LRRFIP1: variants seen among roughly 807,000 people sequenced by gnomAD.
The protein encoded by LRRFIP1 is leucine-rich repeat flightless-interacting protein 1.
In LRRFIP1, 62 loss-of-function variants were observed where a neutral mutation model predicts 104.4. The ratio of observed to expected loss-of-function variants is 0.59; its 90% CI spans 0.48 to 0.73. The LOEUF is 0.73. LRRFIP1 is among the 30% of genes least tolerant of loss of function. LRRFIP1 has a pLI of 0.00. For synonymous variants in LRRFIP1, 300 were observed against 299.0 expected, an observed-to-expected ratio of 1.00 and a Z score of -0.03; for missense variants, 796 against 824.5, an observed-to-expected ratio of 0.97 and a Z score of 0.42.
At chr2:237,650,823 G>A (rs867241711) in intron 1 of LRRFIP1, among the ~76,000 whole-genome samples, 2 of 152,172 alleles carry the variant, frequency 1.3e-5, no homozygotes, top group African/African-American at 2.4e-5. Context: ...AGATGGTCCC[G>A]GGGTTTTCCC....
At chr2:237,628,858 G>A (rs577110456) in intron 1 of LRRFIP1, among the ~76,000 whole-genome samples, 51 of 152,298 alleles carry the variant, frequency 3.3e-4, no homozygotes, top group African/African-American at 1.1e-3. Flanking sequence ...CAGTCACTCA[G>A]TATTTGTTGA....
chr2:237,750,854 T>A (rs78112386), intron 13 of LRRFIP1, among the ~76,000 whole-genome samples: 4,912 of 152,278 alleles, frequency 0.032, 267 homozygotes, highest in African/African-American at 0.11. Context: ...AGCATCTTAC[T>A]GTACATTGCA....
chr2:237,771,550 A>ACCC (rs2060627837), intron 20 of LRRFIP1, among the ~76,000 whole-genome samples: 1 of 53,458 alleles, frequency 1.9e-5, no homozygotes, highest in Non-Finnish European at 3.5e-5. Context: ...CCTGGAACCA[A>ACCC]TCCCCCCCCC....
In LRRFIP1 at chr2:237,765,996, G is replaced by C. The variant is rs960605013; in HGVS notation, c.1460-3947G>C. On this transcript the variant is annotated intron_variant, in intron 19 of 23. Transcript: ENST00000308482. ...GTAATACCACCTTTGAGTAATATCT[G>C]CTTGGGGGTTGCTGATTCCTATTGG... is the stretch of plus-strand genomic sequence containing the variant. 4 of 867,724 alleles carry C rather than the reference G, an allele frequency of 4.6e-6. No individual in the cohort carries two copies. In the African/African-American group the frequency reaches 5.5e-5, roughly 12 times the overall value. 53.8% of individuals were successfully genotyped at this position (867,724 alleles called of 1,614,324 possible).
intron 1 of LRRFIP1, among the ~76,000 whole-genome samples, chr2:237,636,676 C>A (rs187399200): frequency 1.3e-5 from 2 of 152,226 alleles, no homozygotes; most frequent in Admixed American, 6.5e-5. Flanking sequence ...TCCTCAGCTA[C>A]CCTTTCATAT....
intron 1 of LRRFIP1, among the ~76,000 whole-genome samples, chr2:237,695,559 A>G (rs2093120136): frequency 2.0e-5 from 3 of 152,220 alleles, no homozygotes; most frequent in Admixed American, 1.3e-4. Flanking sequence ...CTGGTTACTC[A>G]TATGCCAGTG....
At chr2:237,712,073 A>T (rs1000213061) in intron 2 of LRRFIP1, among the ~76,000 whole-genome samples, 2 of 152,236 alleles carry the variant, frequency 1.3e-5, no homozygotes, top group Admixed American at 6.5e-5. Context: ...GCGGGGGGAC[A>T]TCCCAGAGCT....
At chr2:237,647,368 C>T (rs1431637383) in intron 1 of LRRFIP1, among the ~76,000 whole-genome samples, 1 of 152,010 alleles carries the variant, frequency 6.6e-6, no homozygotes, top group Non-Finnish European at 1.5e-5. Context: ...AACACTTCTG[C>T]CCAGAAGTGG....
At chr2:237,678,252 G>T (rs2091392123) in intron 1 of LRRFIP1, among the ~76,000 whole-genome samples, 1 of 152,142 alleles carries the variant, frequency 6.6e-6, no homozygotes, top group East Asian at 1.9e-4. Context: ...AAGTAGTAAG[G>T]TTACTCCTAC....
chr2:237,669,870 G>A (rs1020400344), intron 1 of LRRFIP1, among the ~76,000 whole-genome samples: 1 of 152,204 alleles, frequency 6.6e-6, no homozygotes, highest in Admixed American at 6.5e-5. Context: ...CCGCCCAAAT[G>A]TGGGATGTGT....
intron 1 of LRRFIP1, chr2:237,692,216 C>T: frequency 9.2e-7 from 1 of 1,085,784 alleles, no homozygotes; most frequent in Non-Finnish European, 1.1e-6. Flanking sequence ...CCCTTCCACC[C>T]CGAGCCCGAC....
intron 1 of LRRFIP1, among the ~76,000 whole-genome samples, chr2:237,631,797 C>T (rs1413772738): frequency 3.3e-5 from 5 of 152,352 alleles, no homozygotes; most frequent in African/African-American, 9.6e-5. Flanking sequence ...CAGTCATTTG[C>T]GCAGGCTGCA....
intron 1 of LRRFIP1, among the ~76,000 whole-genome samples, chr2:237,647,429 C>G (rs1014265226): frequency 1.3e-5 from 2 of 151,944 alleles, no homozygotes; most frequent in African/African-American, 4.8e-5. Flanking sequence ...ATGTGAGGGC[C>G]TTTGTACAAA....
rs2094384992 is a variant in LRRFIP1, at chr2:237,717,521, G to A, written c.202-241G>A. On this transcript the variant is annotated intron_variant, in intron 3 of 23. Coordinates refer to ENST00000308482, the MANE Select transcript of LRRFIP1 (RefSeq NM_001137550.2). This position sits in a 1 kb window ranked among gnomAD's most constrained non-coding sequence, Gnocchi z 4.2. ...GGGAAGCTTCGTCCTGGGCTCTCTTGCTTTGCCGGGATGGGGTGGGCTGGG... is the reference window on the plus strand; with the variant it reads ...GGGAAGCTTCGTCCTGGGCTCTCTTACTTTGCCGGGATGGGGTGGGCTGGG... Among the ~76,000 whole-genome samples, 1 of 152,184 alleles carries A rather than the reference G, an allele frequency of 6.6e-6. No individual in the cohort carries two copies. The highest frequency in any genetic ancestry group is 6.5e-5 in the Admixed American group (1 of 15,284).
Position 237,781,542 on chromosome 2 carries a change from G to A in LRRFIP1, c.*2010G>A, listed in dbSNP as rs565766986. ...CTCTACCTCTCCCACCAATTCTTTTGGAAACAGCAAACCAATGTTACACAC... is the reference window on the plus strand; with the variant it reads ...CTCTACCTCTCCCACCAATTCTTTTAGAAACAGCAAACCAATGTTACACAC... On this transcript the variant is annotated 3_prime_UTR_variant, in exon 24 of 24. Coordinates refer to ENST00000308482, the MANE Select transcript of LRRFIP1 (RefSeq NM_001137550.2). 1.9e-4 allele frequency among the ~76,000 whole-genome samples: 29 copies of A among 152,242 alleles called. No individual in the cohort carries two copies. Among genetic ancestry groups the A allele is most frequent in the African/African-American group, 6.5e-4 (27 of 41,534 alleles).
intron 1 of LRRFIP1, among the ~76,000 whole-genome samples, chr2:237,667,300 A>G (rs1488819906): frequency 1.3e-5 from 2 of 152,182 alleles, no homozygotes; most frequent in Non-Finnish European, 2.9e-5. Flanking sequence ...ATTCACTCAG[A>G]GAACATGTTG....
At chr2:237,757,023 C>T (rs1265150526) in intron 16 of LRRFIP1, among the ~76,000 whole-genome samples, 2 of 151,580 alleles carry the variant, frequency 1.3e-5, no homozygotes, top group African/African-American at 4.8e-5. Flanking sequence ...CTGAAAAAGG[C>T]AGGGAAACAG....
chr2:237,727,768 TC>T, intron 7 of LRRFIP1, 107 bp from the exon 8 acceptor site: 1 of 768,164 alleles, frequency 1.3e-6, no homozygotes, highest in South Asian at 1.7e-5. Flanking sequence ...ATTCATCCGC[TC>T]CACAAGAAAG....
At chr2:237,627,850 G>C in intron 1 of LRRFIP1, 110 bp downstream of exon 1, 1 of 711,978 alleles carries the variant, frequency 1.4e-6, no homozygotes, top group South Asian at 6.7e-5. Context: ...GTGCCACTGC[G>C]CGTCCGGCTC....
Sources: allele counts gnomAD v4.1 joint callset (sites outside exome capture counted in the v4.1 genomes callset), GRCh38; gene constraint gnomAD v4.1.1; non-coding constraint Gnocchi (gnomAD v3.1); transcripts MANE v1.5; gene names NCBI Gene and HGNC (gene_info 2026-07-23, HGNC 2026-07-21).